The following PWWP2A variants were observed in gnomAD, a reference collection of about 807,000 sequenced individuals.
PWWP2A encodes PWWP domain-containing protein 2A.
PWWP2A carries 18 observed loss-of-function variants against 48.5 expected under a neutral mutation model. The observed-to-expected ratio is 0.37, with a 90% CI of 0.26 to 0.55. The LOEUF (loss-of-function observed/expected upper bound fraction) is 0.55, where lower values mean the gene tolerates loss of function less well. PWWP2A is among the 20% of genes least tolerant of loss of function. The probability of loss-of-function intolerance (pLI) is 0.81; values close to 1 mark genes in which losing one functional copy is unlikely to be tolerated. For synonymous variants in PWWP2A, 396 were observed against 387.7 expected, an observed-to-expected ratio of 1.02 and a Z score of -0.25; for missense variants, 867 against 976.4, an observed-to-expected ratio of 0.89 and a Z score of 1.49.
At position 160,118,875 on chromosome 5, in the gene PWWP2A, C is replaced by G. The variant is rs747040749; in HGVS notation, c.514G>C (p.Asp172His). 1.3e-6 allele frequency: 2 copies of G among 1,596,872 alleles called. No homozygotes were observed. The highest frequency in any genetic ancestry group is 1.4e-5 in the African/African-American group (1 of 72,736). Reference protein sequence around the residue: ...VRVTLDHIIEDALVVSFRFGE... With the variant: ...VRVTLDHIIEHALVVSFRFGE... ...AAGCGGAACGACACGACAAGCGCGT[C>G]CTCAATGATGTGGTCCAGCGTGACC... is the stretch of plus-strand genomic sequence containing the variant. Residue 172 changes from aspartate (D) to histidine (H), a missense_variant, in exon 1 of 2, where the codon GAC (aspartate) becomes CAC (histidine). Asp to His is a moderately conservative substitution (Grantham distance 81, BLOSUM62 -1). Coordinates refer to ENST00000307063, the MANE Select transcript of PWWP2A (RefSeq NM_001130864.2).
chr5:160,095,801 C>G (rs1451326204), intron 1 of PWWP2A, among the ~76,000 whole-genome samples: 1 of 151,424 alleles, frequency 6.6e-6, no homozygotes, highest in Non-Finnish European at 1.5e-5. Flanking sequence ...CTCAAGCAAT[C>G]CTCCCGTCTC....
At chr5:160,065,200 C>A in intron 4 of PWWP2A, 1 of 1,180,724 alleles carries the variant, frequency 8.5e-7, no homozygotes, top group South Asian at 1.4e-5. Context: ...GAGCCCAGTG[C>A]TCCCTTGTCC....
the PWWP2A span, among the ~76,000 whole-genome samples, chr5:160,052,795 T>A: frequency 6.6e-6 from 1 of 152,152 alleles, no homozygotes; most frequent in Non-Finnish European, 1.5e-5. Flanking sequence ...GAATTTTCTG[T>A]CTCCAAGGCT....
intron 5 of PWWP2A, among the ~76,000 whole-genome samples, chr5:160,063,268 T>G (rs558830675): frequency 4.2e-4 from 64 of 151,976 alleles, no homozygotes; most frequent in Non-Finnish European, 9.0e-4. Flanking sequence ...CAGGCTGGAG[T>G]GCAATGGTAT....
At chr5:160,048,948 C>G in the PWWP2A span, among the ~76,000 whole-genome samples, 6 of 79,960 alleles carry the variant, frequency 7.5e-5, no homozygotes, top group Admixed American at 1.1e-4. Flanking sequence ...GAGACTCCGT[C>G]TAAAAAAAAA....
In PWWP2A at chr5:160,119,424, G is replaced by T; in HGVS notation, c.-36C>A. The T allele has an allele frequency of 7.4e-7, 1 of 1,352,160 alleles. No individual in the cohort carries two copies. Among genetic ancestry groups the T allele is most frequent in the Non-Finnish European group, 9.5e-7 (1 of 1,057,858 alleles). The allele number at this position is 1,352,160 out of a possible 1,614,324, so 83.8% of individuals were successfully genotyped here. A position where few individuals can be genotyped will look rare whatever the true frequency, so the allele number is the denominator to read the frequency against. On this transcript the variant is annotated 5_prime_UTR_variant, in exon 1 of 2. Coordinates refer to ENST00000307063, the MANE Select transcript of PWWP2A (RefSeq NM_001130864.2). Reference sequence around the variant, plus strand: ...GCTTCTCCCTCCTCCAACTCCGGCTGCAGCGGCGGCGGCGACAGCGCTGCT... The same window carrying T: ...GCTTCTCCCTCCTCCAACTCCGGCTTCAGCGGCGGCGGCGACAGCGCTGCT...
At position 160,119,182 on chromosome 5, in the gene PWWP2A, C is replaced by T. The variant is rs1490741006; in HGVS notation, c.207G>A (p.Pro69=). Reference sequence around the variant, plus strand: ...GCTCCCCCGGCGGCGGCGGTGGCGGCGGGAGCGGCGGCTCGTCGGCCTGAG... The same window carrying T: ...GCTCCCCCGGCGGCGGCGGTGGCGGTGGGAGCGGCGGCTCGTCGGCCTGAG... ...SAPQADEPPL[P]PPPPPPGELA... The change falls in exon 1 of 2, where the codon CCG becomes CCA. Residue 69 remains proline, a synonymous_variant. Transcript: ENST00000307063. 7 of 1,481,708 alleles carry T rather than the reference C, an allele frequency of 4.7e-6. No homozygotes were observed. In the African/African-American group the frequency reaches 7.3e-5, roughly 16 times the overall value. 91.8% of individuals were successfully genotyped at this position (1,481,708 alleles called of 1,614,324 possible).
At chr5:160,079,437 G>GAA (rs60410116) in intron 3 of PWWP2A, among the ~76,000 whole-genome samples, 1 of 142,936 alleles carries the variant, frequency 7.0e-6, no homozygotes, top group Non-Finnish European at 1.5e-5. Context: ...CTTGCTTCTG[G>GAA]AAAAAAAAAA....
At chr5:160,045,493 CACACACACACACACACACACAT>C in the PWWP2A span, among the ~76,000 whole-genome samples, 31 of 117,120 alleles carry the variant, frequency 2.6e-4, no homozygotes, top group South Asian at 3.0e-3. Flanking sequence ...CACACACACA[CACACACACACACACACACACAT>C]ACACACTCTC....
chr5:160,103,799 T>A (rs1756553819), intron 1 of PWWP2A, among the ~76,000 whole-genome samples: 1 of 151,754 alleles, frequency 6.6e-6, no homozygotes, highest in African/African-American at 2.4e-5. Flanking sequence ...AGTTTAAGAG[T>A]ATGATAGACG....
At chr5:160,116,387 C>T (rs960341442) in intron 1 of PWWP2A, among the ~76,000 whole-genome samples, 1 of 152,022 alleles carries the variant, frequency 6.6e-6, no homozygotes, top group Non-Finnish European at 1.5e-5. Flanking sequence ...GCCCGGGAGG[C>T]GGAGGTTGCA....
the PWWP2A span, among the ~76,000 whole-genome samples, chr5:160,055,287 C>T: frequency 3.9e-5 from 6 of 152,312 alleles, no homozygotes; most frequent in African/African-American, 1.4e-4. Context: ...GATCTGTCAT[C>T]TCAGCTTATT....
downstream of PWWP2A, among the ~76,000 whole-genome samples, chr5:160,088,462 C>A (rs1325445775): frequency 6.6e-6 from 1 of 152,182 alleles, no homozygotes; most frequent in African/African-American, 2.4e-5. Context: ...GTTGGCCAGG[C>A]TGGTCTCGAA....
At chr5:160,070,818 G>T (rs1053878100) in intron 2 of PWWP2A, among the ~76,000 whole-genome samples, 9 of 152,198 alleles carry the variant, frequency 5.9e-5, no homozygotes, top group Admixed American at 3.3e-4. Context: ...AGACATGAAT[G>T]TTTGTGTAAT....
intron 2 of PWWP2A, among the ~76,000 whole-genome samples, chr5:160,069,710 T>C (rs1753697145): frequency 6.6e-6 from 1 of 152,056 alleles, no homozygotes; most frequent in Admixed American, 6.6e-5. Flanking sequence ...TAAAAATAAA[T>C]ACATAATAAA....
chr5:160,102,872 T>C (rs557199777), intron 1 of PWWP2A, among the ~76,000 whole-genome samples: 11 of 152,304 alleles, frequency 7.2e-5, no homozygotes, highest in Admixed American at 2.6e-4. Flanking sequence ...CATAATTATA[T>C]TGCAAGTAAA....
chr5:160,116,543 C>T (rs932639675), intron 1 of PWWP2A: 24 of 249,748 alleles, frequency 9.6e-5, no homozygotes, highest in Admixed American at 5.2e-4. Flanking sequence ...TTAGGAATAG[C>T]TCCTCCAACA....
chr5:160,090,122 A>G, downstream of PWWP2A: 2 of 985,276 alleles, frequency 2.0e-6, no homozygotes, highest in Non-Finnish European at 2.4e-6. Flanking sequence ...CTTTTCCTCA[A>G]AGGTGTGTTC....
chr5:160,068,523 C>T (rs1029936676), intron 2 of PWWP2A, among the ~76,000 whole-genome samples: 1 of 152,180 alleles, frequency 6.6e-6, no homozygotes, highest in African/African-American at 2.4e-5. Flanking sequence ...CGTTTGGACC[C>T]AACAGGCGGA....
Sources: allele counts gnomAD v4.1 joint callset (sites outside exome capture counted in the v4.1 genomes callset), GRCh38; gene constraint gnomAD v4.1.1; transcripts MANE v1.5; gene names NCBI Gene and HGNC (gene_info 2026-07-23, HGNC 2026-07-21).